Variants in NKAIN2 observed in about 807,000 individuals in gnomAD.
NKAIN2 encodes sodium/potassium-transporting ATPase subunit beta-1-interacting protein 2.
NKAIN2 carries 14 observed loss-of-function variants against 32.6 expected under a neutral mutation model. The observed-to-expected ratio is 0.43, with a 90% CI of 0.28 to 0.67. NKAIN2 has a LOEUF of 0.67. Ranked by LOEUF, NKAIN2 falls within the 30% of genes least tolerant of loss-of-function variation. NKAIN2 has a pLI of 0.17. For synonymous variants in NKAIN2, 80 were observed against 87.2 expected, an observed-to-expected ratio of 0.92 and a Z score of 0.46; for missense variants, 198 against 258.3, an observed-to-expected ratio of 0.77 and a Z score of 1.60.
At chr6:124,383,117 A>G (rs781355197) in intron 3 of NKAIN2, among the ~76,000 whole-genome samples, 4 of 152,200 alleles carry the variant, frequency 2.6e-5, no homozygotes, top group Non-Finnish European at 5.9e-5. Flanking sequence ...TTCTAAAACC[A>G]GAAACTGGGG....
chr6:124,426,775 T>C (rs1358687221), intron 3 of NKAIN2, among the ~76,000 whole-genome samples: 1 of 152,140 alleles, frequency 6.6e-6, no homozygotes, highest in African/African-American at 2.4e-5. Flanking sequence ...CGGTGGGAGA[T>C]AATTGAATCA....
chr6:124,135,756 TTAAA>T (rs1786748316), intron 1 of NKAIN2, among the ~76,000 whole-genome samples: 1 of 151,806 alleles, frequency 6.6e-6, no homozygotes, highest in South Asian at 2.1e-4. Context: ...TATATGAAAA[TTAAA>T]TAAACTGCTG....
intron 1 of NKAIN2, among the ~76,000 whole-genome samples, chr6:123,998,778 G>GT (rs1562299855): frequency 2.6e-5 from 3 of 113,670 alleles, no homozygotes; most frequent in Admixed American, 1.8e-4. Context: ...TGTGTGTGTG[G>GT]AAAATATATA....
rs114759338 is a variant in NKAIN2 at position 124,748,955 on chromosome 6, G to A, written c.475-42384G>A. On this transcript the variant is annotated intron_variant, in intron 4 of 6. Transcript: ENST00000368417. ...AAACAACAAAAATTTATTGTCTCAC[G>A]ACTTCTGTAGGTCAGAAGTCTAACA... Among the ~76,000 whole-genome samples, 1,109 of 151,842 alleles carry A rather than the reference G, an allele frequency of 7.3e-3. 22 individuals are homozygous for A. Among genetic ancestry groups the A allele is most frequent in the African/African-American group, 0.025 (1,052 of 41,464 alleles).
chr6:124,129,245 C>G (rs565664477), intron 1 of NKAIN2, among the ~76,000 whole-genome samples: 4 of 151,508 alleles, frequency 2.6e-5, no homozygotes, highest in African/African-American at 9.7e-5. Flanking sequence ...AAAAATAATA[C>G]AGGAAAGAAG....
intron 4 of NKAIN2, among the ~76,000 whole-genome samples, chr6:124,687,591 A>ATTCC (rs1302766444): frequency 5.2e-5 from 4 of 76,602 alleles, no homozygotes; most frequent in African/African-American, 6.6e-5. Context: ...TATAATATAA[A>ATTCC]TATATATTAT....
At chr6:124,748,981 C>T (rs1777586500) in intron 4 of NKAIN2, among the ~76,000 whole-genome samples, 1 of 151,910 alleles carries the variant, frequency 6.6e-6, no homozygotes, top group Admixed American at 6.6e-5. Flanking sequence ...AAGTCTAACA[C>T]AGTCTCACTG....
chr6:123,927,016 T>A (rs1776035360), intron 1 of NKAIN2, among the ~76,000 whole-genome samples: 1 of 152,194 alleles, frequency 6.6e-6, no homozygotes, highest in South Asian at 2.1e-4. Flanking sequence ...TATAATTAAC[T>A]TGCTGATAAT....
chr6:124,568,340 G>T (rs893638605), intron 3 of NKAIN2, among the ~76,000 whole-genome samples: 2 of 152,160 alleles, frequency 1.3e-5, no homozygotes, highest in Non-Finnish European at 2.9e-5. Context: ...ATGAAGGGAG[G>T]ATTACTGCAA....
intron 3 of NKAIN2, among the ~76,000 whole-genome samples, chr6:124,381,095 ATG>A (rs1424611209): frequency 6.6e-6 from 1 of 152,196 alleles, no homozygotes; most frequent in Non-Finnish European, 1.5e-5. Context: ...CCAAAGCAAG[ATG>A]TGACAAAAGT....
At chr6:123,890,455 C>T (rs543450147) in intron 1 of NKAIN2, among the ~76,000 whole-genome samples, 1 of 151,610 alleles carries the variant, frequency 6.6e-6, no homozygotes, top group East Asian at 2.0e-4. Context: ...ATACTATGAG[C>T]CAATTTGCTA....
chr6:124,631,222 C>A (rs1448269831), intron 3 of NKAIN2, among the ~76,000 whole-genome samples: 1 of 152,134 alleles, frequency 6.6e-6, no homozygotes, highest in African/African-American at 2.4e-5. Context: ...TATATGTAAT[C>A]ATTCTCAAAT....
At chr6:124,717,308 T>C (rs925927791) in intron 4 of NKAIN2, among the ~76,000 whole-genome samples, 1 of 151,562 alleles carries the variant, frequency 6.6e-6, no homozygotes, top group African/African-American at 2.4e-5. Flanking sequence ...TTTCCCACTG[T>C]CTAAGACAAT....
intron 2 of NKAIN2, among the ~76,000 whole-genome samples, chr6:124,344,183 T>C (rs1377419703): frequency 1.3e-5 from 2 of 152,198 alleles, no homozygotes; most frequent in African/African-American, 4.8e-5. Flanking sequence ...TCTGTCACAT[T>C]GATCTATATC....
At chr6:124,351,959 G>C (rs936638705) in intron 2 of NKAIN2, among the ~76,000 whole-genome samples, 1 of 151,976 alleles carries the variant, frequency 6.6e-6, no homozygotes, top group Non-Finnish European at 1.5e-5. Context: ...ATGATGATGT[G>C]ACATAATCAT....
intron 3 of NKAIN2, among the ~76,000 whole-genome samples, chr6:124,411,774 T>C (rs1562166554): frequency 6.6e-6 from 1 of 152,228 alleles, no homozygotes; most frequent in African/African-American, 2.4e-5. Context: ...TCCTGCAGAA[T>C]GTTTTCCAGC....
intron 2 of NKAIN2, among the ~76,000 whole-genome samples, chr6:124,335,084 C>T (rs1453647528): frequency 2.0e-5 from 3 of 151,946 alleles, no homozygotes; most frequent in Admixed American, 6.6e-5. Flanking sequence ...AGGTATCACA[C>T]GAAATATTGG....
At chr6:124,075,742 C>T (rs1422920737) in intron 1 of NKAIN2, among the ~76,000 whole-genome samples, 1 of 152,022 alleles carries the variant, frequency 6.6e-6, no homozygotes, top group Non-Finnish European at 1.5e-5. Flanking sequence ...ATTACAGGCA[C>T]CCACCACCAT....
intron 3 of NKAIN2, among the ~76,000 whole-genome samples, chr6:124,594,971 G>T (rs1166080983): frequency 1.3e-5 from 2 of 152,150 alleles, no homozygotes; most frequent in African/African-American, 4.8e-5. Context: ...TCCCTGAAGG[G>T]CTCAGTGAAG....
Sources: gnomAD v4.1 joint callset for allele counts (sites outside exome capture counted in the v4.1 genomes callset) on GRCh38, gnomAD v4.1.1 for gene constraint, MANE v1.5 for transcripts, NCBI Gene and HGNC (gene_info 2026-07-23, HGNC 2026-07-21) for gene names.